SGCD: variants seen among roughly 807,000 people sequenced by gnomAD.
SGCD encodes sarcoglycan delta.
In SGCD, 18 loss-of-function variants were observed where a neutral mutation model predicts 36.6. The ratio of observed to expected loss-of-function variants is 0.49; its 90% CI spans 0.34 to 0.73. SGCD has a LOEUF of 0.73. Ranked by LOEUF, SGCD falls within the 30% of genes least tolerant of loss-of-function variation. The pLI is 0.01. For synonymous variants in SGCD, 133 were observed against 130.6 expected (o/e 1.02, Z -0.12); for missense variants, 387 against 346.7 (o/e 1.12, Z -0.92).
At chr5:155,751,601 C>G in the SGCD span, among the ~76,000 whole-genome samples, 1 of 151,630 alleles carries the variant, frequency 6.6e-6, no homozygotes, top group Non-Finnish European at 1.5e-5. Context: ...GTTGCCTAGG[C>G]TAGTCTCAAA....
chr5:155,964,669 T>C (rs1015006188), intron 1 of SGCD, among the ~76,000 whole-genome samples: 4 of 152,034 alleles, frequency 2.6e-5, no homozygotes, highest in South Asian at 2.1e-4. Context: ...AGATTCCTCA[T>C]TGCATAGATG....
At chr5:156,150,607 A>C (rs546543396) in intron 3 of SGCD, among the ~76,000 whole-genome samples, 7 of 151,736 alleles carry the variant, frequency 4.6e-5, no homozygotes, top group African/African-American at 1.7e-4. Context: ...TTGAATTAAC[A>C]CTTTCTGTGA....
chr5:155,937,670 G>T (rs901802181), intron 1 of SGCD, among the ~76,000 whole-genome samples: 1 of 152,180 alleles, frequency 6.6e-6, no homozygotes, highest in Admixed American at 6.5e-5. Context: ...CAGTAGACAA[G>T]AAAAATGCAG....
At chr5:156,579,629 G>C (rs748001109) in intron 4 of SGCD, among the ~76,000 whole-genome samples, 12 of 152,158 alleles carry the variant, frequency 7.9e-5, no homozygotes, top group Non-Finnish European at 1.6e-4. Context: ...AGGATAGTTA[G>C]CTCCTCTTAT....
At chr5:156,106,109 C>CAAAA (rs1159337817) in intron 1 of SGCD, among the ~76,000 whole-genome samples, 468 of 34,926 alleles carry the variant, frequency 0.013, 2 homozygotes, top group Non-Finnish European at 0.015. Flanking sequence ...GACTCTGCCT[C>CAAAA]AAAAAAAAAA....
At chr5:156,724,947 G>C (rs1339914388) in intron 7 of SGCD, among the ~76,000 whole-genome samples, 1 of 152,198 alleles carries the variant, frequency 6.6e-6, no homozygotes, top group Non-Finnish European at 1.5e-5. Flanking sequence ...TATAATGTAA[G>C]ATGATTGAAA....
At chr5:156,213,444 A>G (rs569479552) in intron 3 of SGCD, among the ~76,000 whole-genome samples, 9 of 152,180 alleles carry the variant, frequency 5.9e-5, no homozygotes, top group Admixed American at 5.2e-4. Context: ...GAACAGAACA[A>G]TAATGAGTAA....
the SGCD span, among the ~76,000 whole-genome samples, chr5:155,756,162 A>G: frequency 2.0e-5 from 3 of 152,226 alleles, no homozygotes; most frequent in African/African-American, 7.2e-5. Flanking sequence ...AGGGCATAGC[A>G]TAGTAGAGAA....
chr5:156,464,183 A>AGT (rs1337423253), intron 3 of SGCD, among the ~76,000 whole-genome samples: 1 of 149,960 alleles, frequency 6.7e-6, no homozygotes, highest in Non-Finnish European at 1.5e-5. Context: ...TCACACCACT[A>AGT]GTAAGTGGAA....
intron 3 of SGCD, among the ~76,000 whole-genome samples, chr5:156,210,925 T>G (rs73811546): frequency 0.057 from 8,688 of 152,018 alleles, 593 homozygotes; most frequent in African/African-American, 0.16. Flanking sequence ...TTTATAAATC[T>G]GGGGGAAAGA....
At chr5:156,266,079 T>G (rs1219385875) in intron 3 of SGCD, among the ~76,000 whole-genome samples, 1 of 152,208 alleles carries the variant, frequency 6.6e-6, no homozygotes, top group Non-Finnish European at 1.5e-5. Context: ...ATGTTAGTGT[T>G]TGATATGGAT....
chr5:156,132,458 CTTTTTTTTTTTT>C (rs573278623), intron 3 of SGCD, among the ~76,000 whole-genome samples: 189 of 51,796 alleles, frequency 3.6e-3, no homozygotes, highest in African/African-American at 0.017. Flanking sequence ...CTTACCAAGT[CTTTTTTTTTTTT>C]TTTTTTTTTT....
At chr5:156,684,468 C>T (rs926958242) in intron 7 of SGCD, among the ~76,000 whole-genome samples, 1 of 152,198 alleles carries the variant, frequency 6.6e-6, no homozygotes, top group African/African-American at 2.4e-5. Flanking sequence ...CAAATGCTTT[C>T]TCTTCCTGGA....
chr5:155,895,243 C>T (rs1213691007), intron 1 of SGCD, among the ~76,000 whole-genome samples: 1 of 152,230 alleles, frequency 6.6e-6, no homozygotes, highest in Non-Finnish European at 1.5e-5. Context: ...ACTTTGGGTT[C>T]AATTCTCAGG....
At chr5:155,803,900 G>A in the SGCD span, among the ~76,000 whole-genome samples, 1 of 152,154 alleles carries the variant, frequency 6.6e-6, no homozygotes, top group Admixed American at 6.5e-5. Context: ...GCACAATAAA[G>A]AACTGCTGTA....
chr5:156,069,882 C>A (rs1479908162), intron 1 of SGCD, among the ~76,000 whole-genome samples: 1 of 152,042 alleles, frequency 6.6e-6, no homozygotes, highest in Admixed American at 6.5e-5. Flanking sequence ...ATTTTATTCT[C>A]TTTGAAGCAA....
intron 3 of SGCD, among the ~76,000 whole-genome samples, chr5:156,199,194 C>G (rs546077274): frequency 6.6e-6 from 1 of 152,032 alleles, no homozygotes; most frequent in African/African-American, 2.4e-5. Context: ...AGCTTTAGAG[C>G]CATTTCAGTG....
At chr5:155,780,553 C>T in the SGCD span, among the ~76,000 whole-genome samples, 10 of 152,128 alleles carry the variant, frequency 6.6e-5, no homozygotes, top group Non-Finnish European at 1.5e-4. Context: ...CTGAGAATTA[C>T]TTGTCTTGCT....
chr5:156,513,308 G>A lies in SGCD; in HGVS notation c.294+4606G>A, dbSNP rs571330258. On this transcript the variant is annotated intron_variant, in intron 4 of 8. Transcript: ENST00000337851. ...CAATAGGATCTGCCATTTTTACTGA[G>A]TCATAACCTCACATGATGCTCATGA... Among the ~76,000 whole-genome samples the A allele has an allele frequency of 5.3e-5, 8 of 152,192 alleles. No homozygotes were observed. The East Asian group carries it at 1.5e-3, about 29-fold the overall frequency.
Sources: gnomAD v4.1 joint callset for allele counts (sites outside exome capture counted in the v4.1 genomes callset) on GRCh38, gnomAD v4.1.1 for gene constraint, MANE v1.5 for transcripts, NCBI Gene and HGNC (gene_info 2026-07-23, HGNC 2026-07-21) for gene names.